CADM2: variants seen among roughly 807,000 people sequenced by gnomAD.
The protein encoded by CADM2 is cell adhesion molecule 2, also known as immunoglobulin superfamily member 4D.
A neutral mutation model predicts 49.8 loss-of-function variants in CADM2; 12 were observed. The observed-to-expected ratio is 0.24, with a 90% CI of 0.15 to 0.39. CADM2 has a LOEUF of 0.39. Ranked by LOEUF, CADM2 falls within the 10% of genes least tolerant of loss-of-function variation. The probability of loss-of-function intolerance (pLI) is 1.00; values close to 1 mark genes in which losing one functional copy is unlikely to be tolerated. For missense variants in CADM2, 378 were observed against 492.3 expected (o/e 0.77, Z 2.20); for synonymous variants, 214 against 175.4 (o/e 1.22, Z -1.74).
rs1577049535 is a variant in CADM2, at chr3:85,666,694, T to C, written c.62-59828T>C. Among the ~76,000 whole-genome samples the C allele has an allele frequency of 3.7e-5, 3 of 80,798 alleles. No homozygotes were observed. In the Admixed American group the frequency reaches 4.1e-4, roughly 11 times the overall value. The allele number at this position is 80,798 out of a possible 152,430, so 53.0% of individuals were successfully genotyped here. A position where few individuals can be genotyped will look rare whatever the true frequency, so the allele number is the denominator to read the frequency against. ...GTTCAGATTCTTCTTAGTATCTGTG[T>C]TGATTTTTCTTCCTTCGATATGGGA... On this transcript the variant is annotated intron_variant, in intron 1 of 9. Transcript: ENST00000383699.
intron 3 of CADM2, among the ~76,000 whole-genome samples, chr3:85,806,678 T>A (rs1398672968): frequency 6.6e-6 from 1 of 152,044 alleles, no homozygotes; most frequent in Non-Finnish European, 1.5e-5. Flanking sequence ...GAGGTTGCAG[T>A]GAGCTGAGAT....
chr3:85,295,199 A>G (rs1006221573), intron 1 of CADM2, among the ~76,000 whole-genome samples: 13 of 152,228 alleles, frequency 8.5e-5, no homozygotes, highest in Non-Finnish European at 1.2e-4. Flanking sequence ...AATGCTCATC[A>G]TCACTGGCCA....
chr3:85,721,321 AGTT>A (rs1463185951), intron 1 of CADM2, among the ~76,000 whole-genome samples: 2 of 152,146 alleles, frequency 1.3e-5, no homozygotes, highest in African/African-American at 4.8e-5. Flanking sequence ...CTGAATATGA[AGTT>A]GTTATGGGAT....
intron 7 of CADM2, among the ~76,000 whole-genome samples, chr3:85,946,662 C>A (rs1252406622): frequency 1.3e-5 from 2 of 152,220 alleles, no homozygotes; most frequent in Admixed American, 1.3e-4. Context: ...ACTATCTGAT[C>A]TTTGACAAAC....
In CADM2 at chr3:85,846,925, T is replaced by C. The variant is rs150299782; in HGVS notation, c.239-36366T>C. Among the ~76,000 whole-genome samples, 1,116 of 152,274 alleles carry C rather than the reference T, an allele frequency of 7.3e-3. 8 individuals carry two copies. Among genetic ancestry groups the C allele is most frequent in the Middle Eastern group, 0.027 (8 of 294 alleles). On this transcript the variant is annotated intron_variant, in intron 3 of 9. Transcript: ENST00000383699. Reference sequence around the variant, plus strand: ...TTTTCCTTTGGCCATTGAGTGAATATGATGACAAGCATAGAGCCCCACCAA... The same window carrying C: ...TTTTCCTTTGGCCATTGAGTGAATACGATGACAAGCATAGAGCCCCACCAA...
In CADM2 at chr3:85,017,225, G is replaced by A. The variant is rs140792238; in HGVS notation, c.61+57557G>A. ...CTTTAAAGATGAATGACTATTAAGT[G>A]GATGGAATTCCTATAATTACGCCAC... On this transcript the variant is annotated intron_variant, in intron 1 of 9. Coordinates refer to ENST00000383699, the MANE Select transcript of CADM2 (RefSeq NM_001167675.2). Among the ~76,000 whole-genome samples, 425 of 152,282 alleles carry A rather than the reference G, an allele frequency of 2.8e-3. 4 individuals carry two copies. The highest frequency in any genetic ancestry group is 0.01 in the African/African-American group (416 of 41,556).
chr3:85,663,049 A>G (rs897557000), intron 1 of CADM2, among the ~76,000 whole-genome samples: 1 of 152,022 alleles, frequency 6.6e-6, no homozygotes. Context: ...GGAATATGCA[A>G]TTTGTGGGAA....
intron 1 of CADM2, among the ~76,000 whole-genome samples, chr3:85,157,779 G>A (rs1381598997): frequency 3.3e-5 from 5 of 151,954 alleles, no homozygotes; most frequent in Non-Finnish European, 7.4e-5. Context: ...CATAGGCATG[G>A]GCAAGGACTT....
At chr3:85,658,450 T>A (rs913092451) in intron 1 of CADM2, among the ~76,000 whole-genome samples, 3 of 151,658 alleles carry the variant, frequency 2.0e-5, no homozygotes, top group African/African-American at 7.3e-5. Context: ...CAGTCTGTAC[T>A]ACTTTGTTAT....
intron 3 of CADM2, among the ~76,000 whole-genome samples, chr3:85,865,216 T>C (rs2075679293): frequency 6.6e-6 from 1 of 152,214 alleles, no homozygotes; most frequent in Admixed American, 6.5e-5. Context: ...TCAAGAACTT[T>C]CTATGCCTGC....
At chr3:85,759,906 A>G (rs1451143470) in intron 2 of CADM2, among the ~76,000 whole-genome samples, 2 of 152,170 alleles carry the variant, frequency 1.3e-5, no homozygotes, top group Non-Finnish European at 2.9e-5. Flanking sequence ...AAATTCTACT[A>G]TAAATATCTT....
intron 1 of CADM2, among the ~76,000 whole-genome samples, chr3:85,465,369 G>A (rs1193749234): frequency 2.0e-5 from 3 of 152,106 alleles, no homozygotes; most frequent in Non-Finnish European, 4.4e-5. Context: ...ACCTGGGAAT[G>A]CAGTAAAATT....
chr3:84,978,355 GTTATTT>G (rs1369287787), intron 1 of CADM2, among the ~76,000 whole-genome samples: 1 of 152,014 alleles, frequency 6.6e-6, no homozygotes, highest in Non-Finnish European at 1.5e-5. Flanking sequence ...ATTATCTTGT[GTTATTT>G]TTAAAGTAAT....
At chr3:85,969,942 C>T (rs1378049082) in intron 8 of CADM2, among the ~76,000 whole-genome samples, 1 of 143,224 alleles carries the variant, frequency 7.0e-6, no homozygotes, top group Non-Finnish European at 1.5e-5. Flanking sequence ...TACGAATATA[C>T]AGGGGTGTGT....
At chr3:85,269,435 C>T (rs553532228) in intron 1 of CADM2, among the ~76,000 whole-genome samples, 1 of 151,254 alleles carries the variant, frequency 6.6e-6, no homozygotes, top group East Asian at 1.9e-4. Context: ...ATTAATTAAT[C>T]AATAATTTGT....
intron 6 of CADM2, among the ~76,000 whole-genome samples, chr3:85,925,015 T>C (rs1364484948): frequency 1.3e-5 from 2 of 152,214 alleles, no homozygotes; most frequent in East Asian, 3.8e-4. Context: ...ACTTTGTTAA[T>C]TTTTCCTTTG....
chr3:86,038,302 A>G (rs1278414230), intron 8 of CADM2, among the ~76,000 whole-genome samples: 1 of 152,218 alleles, frequency 6.6e-6, no homozygotes, highest in Non-Finnish European at 1.5e-5. Context: ...GGAACTCAGA[A>G]AATAAAGAGC....
chr3:85,953,800 C>T (rs1723731600), intron 7 of CADM2, among the ~76,000 whole-genome samples: 1 of 150,646 alleles, frequency 6.6e-6, no homozygotes. Context: ...TTATCAAGTA[C>T]CTATTAAAGA....
chr3:86,033,469 C>T (rs571649399), intron 8 of CADM2, among the ~76,000 whole-genome samples: 2 of 151,760 alleles, frequency 1.3e-5, no homozygotes, highest in African/African-American at 4.8e-5. Context: ...CCCCAGCATC[C>T]TCTGTACAGT....
Sources: allele counts gnomAD v4.1 joint callset (sites outside exome capture counted in the v4.1 genomes callset), GRCh38; gene constraint gnomAD v4.1.1; transcripts MANE v1.5; gene names NCBI Gene and HGNC (gene_info 2026-07-23, HGNC 2026-07-21).